Variants in CCPG1 observed in about 807,000 individuals in gnomAD.
CCPG1 encodes the protein cell cycle progression protein 1.
Under a neutral mutation model 81.3 loss-of-function variants are expected in CCPG1, and 46 were observed. The observed-to-expected ratio is 0.57, with a 90% CI of 0.45 to 0.72. The LOEUF is 0.72. CCPG1 is among the 30% of genes least tolerant of loss of function. The pLI, the probability that CCPG1 is intolerant of heterozygous loss-of-function variation, is 0.00. For missense variants in CCPG1, 902 were observed against 937.6 expected (o/e 0.96, Z 0.50); for synonymous variants, 330 against 305.2 (o/e 1.08, Z -0.85).
At chr15:55,377,187 A>AATCATTTTTTTTTTTTTTTT in intron 4 of CCPG1, 37 bp from the exon 5 acceptor site, 2 of 1,451,886 alleles carry the variant, frequency 1.4e-6, no homozygotes, top group South Asian at 2.3e-5. Context: ...TAAGTTCAAC[A>AATCATTTTTTTTTTTTTTTT]ATCATTTAAG....
At chr15:55,358,930 T>C (rs1047301866) in intron 8 of CCPG1, 2 of 964,120 alleles carry the variant, frequency 2.1e-6, no homozygotes, top group African/African-American at 3.5e-5. Flanking sequence ...GTAAGTTTCA[T>C]GTTACAGAAT....
chr15:55,400,353 G>T (rs6493782), intron 1 of CCPG1, among the ~76,000 whole-genome samples: 7 of 151,500 alleles, frequency 4.6e-5, no homozygotes, highest in Non-Finnish European at 2.9e-5. Flanking sequence ...TACTAAAATA[G>T]AAAAATTAGC....
chr15:55,357,490 T>A (rs2056105880), intron 8 of CCPG1: 1 of 949,710 alleles, frequency 1.1e-6, no homozygotes, highest in Middle Eastern at 5.5e-4. Context: ...TTTCTGTGAT[T>A]GAGGTTTCCG....
Position 55,391,891 on chromosome 15 carries a change from G to GGA in CCPG1, c.-9-2459_-9-2458insTC, listed in dbSNP as rs1555409785. Among the ~76,000 whole-genome samples, 106 of 115,322 alleles carry GGA rather than the reference G, an allele frequency of 9.2e-4. 5 individuals carry two copies. Among genetic ancestry groups the GGA allele is most frequent in the Middle Eastern group, 4.4e-3 (1 of 226 alleles). 75.7% of individuals were successfully genotyped at this position (115,322 alleles called of 152,430 possible). A position where few individuals can be genotyped will look rare whatever the true frequency, so the allele number is the denominator to read the frequency against. ...ACTCTTTAAAAAAAAAAAAAAAGGG[G>GGA]GGGGGGGGCTAGGTGTGGTAGCTCA... On this transcript the variant is annotated intron_variant, in intron 1 of 8. Transcript: ENST00000442196.
intron 8 of CCPG1, chr15:55,356,714 C>T (rs929863736): frequency 1.9e-6 from 2 of 1,070,718 alleles, no homozygotes; most frequent in Non-Finnish European, 2.3e-6. Context: ...TCCTCCTTTC[C>T]TATAAAAATC....
At position 55,360,457 on chromosome 15, in the gene CCPG1, G is replaced by A; in HGVS notation, c.1316C>T (p.Thr439Ile). 1 of 1,613,972 alleles carries A rather than the reference G, an allele frequency of 6.2e-7. No individual in the cohort carries two copies. The highest frequency in any genetic ancestry group is 1.7e-5 in the Admixed American group (1 of 60,008). The change falls in exon 8 of 9, where the codon ACC becomes ATC. Residue 439 changes from threonine to isoleucine, a missense_variant. Thr to Ile is a moderately conservative substitution (Grantham distance 89, BLOSUM62 -1). This residue lies in a region of CCPG1 where 746 missense variants were observed against 728.6 expected (regional missense o/e 1.02). Transcript: ENST00000442196. ...ERLTELERKL[T>I]FEQQRSDLWE... ...CAAATCAGAACGCTGCTGTTCGAAG[G>A]TTAGCTTCCGTTCCAGCTCAGTGAG... is the stretch of plus-strand genomic sequence containing the variant.
chr15:55,365,224 C>T lies in CCPG1; in HGVS notation c.792G>A (p.Gln264=), dbSNP rs890066867. Residue 264 remains glutamine (Q), a synonymous_variant, in exon 7 of 9, where the codon CAG becomes CAA. Coordinates refer to ENST00000442196, the MANE Select transcript of CCPG1 (RefSeq NM_001204450.2). ...TAAAAGATTCTTGTTCCTGTTGACA[C>T]TGGGAAAGATAATCCTTCATATCAT... ...ELNDMKDYLS[Q]CQQEQESFID... is the part of the protein sequence containing the mutation. 1 of 1,497,244 alleles carries T rather than the reference C, an allele frequency of 6.7e-7. No individual in the cohort carries two copies. The highest frequency in any genetic ancestry group is 1.4e-5 in the African/African-American group (1 of 72,236). 92.7% of individuals were successfully genotyped at this position (1,497,244 alleles called of 1,614,324 possible).
At chr15:55,386,005 A>C (rs1481498415) in intron 2 of CCPG1, among the ~76,000 whole-genome samples, 1 of 152,148 alleles carries the variant, frequency 6.6e-6, no homozygotes, top group Middle Eastern at 3.2e-3. Flanking sequence ...TAAGGGTCTA[A>C]ATTTGGTTAT....
chr15:55,404,386 G>A (rs1016906654), intron 1 of CCPG1, among the ~76,000 whole-genome samples: 6 of 152,116 alleles, frequency 3.9e-5, no homozygotes, highest in Non-Finnish European at 8.8e-5. Flanking sequence ...GAAGAACAAT[G>A]TAGCCCTTTA....
In CCPG1 at chr15:55,360,817, T is replaced by C. The variant is rs372894285; in HGVS notation, c.956A>G (p.Lys319Arg). 2.5e-5 allele frequency: 41 copies of C among 1,612,256 alleles called. No homozygotes were observed. The highest frequency in any genetic ancestry group is 1.5e-4 in the African/African-American group (11 of 74,764). ...YLRVSLEKEE[K>R]ALSSLQEELN... ...CTCTTCCTGTAATGAGGATAAGGCT[T>C]TTTCTTCCTTCTCCAAGGATACTCT... The change falls in exon 8 of 9, where the codon AAA (lysine) becomes AGA (arginine). Residue 319 changes from lysine to arginine, a missense_variant. Transcript: ENST00000442196.
intron 3 of CCPG1, among the ~76,000 whole-genome samples, chr15:55,380,728 G>C (rs953319906): frequency 3.3e-5 from 5 of 152,062 alleles, no homozygotes; most frequent in Admixed American, 6.5e-5. Flanking sequence ...CGGCCGGGGT[G>C]CTGGGGCCAG....
intron 5 of CCPG1, among the ~76,000 whole-genome samples, chr15:55,376,307 T>C (rs1405970612): frequency 6.6e-6 from 1 of 152,210 alleles, no homozygotes; most frequent in Non-Finnish European, 1.5e-5. Flanking sequence ...AGCTGAAGCA[T>C]AGCAGAAAGA....
rs1306899939 is a variant in CCPG1, at chr15:55,355,752, CAG to C, written c.*466_*467del. 4.3e-6 allele frequency: 1 copy of C among 232,690 alleles called. No homozygotes were observed. The highest frequency in any genetic ancestry group is 8.2e-6 in the Non-Finnish European group (1 of 122,066). The allele number at this position is 232,690 out of a possible 1,614,324, so 14.4% of individuals were successfully genotyped here. A position where few individuals can be genotyped will look rare whatever the true frequency, so the allele number is the denominator to read the frequency against. The stretch of plus-strand genomic sequence containing the variant: ...AGAGGGCAGCAAATTCTTCACAAGT[CAG>C]AGGGCTCTTGAACCCACAAAAAGAC... On this transcript the variant is annotated 3_prime_UTR_variant, in exon 9 of 9. Coordinates refer to ENST00000442196, the MANE Select transcript of CCPG1 (RefSeq NM_001204450.2).
intron 3 of CCPG1, among the ~76,000 whole-genome samples, chr15:55,383,955 T>C (rs1044292249): frequency 2.0e-5 from 3 of 152,236 alleles, no homozygotes; most frequent in African/African-American, 7.2e-5. Flanking sequence ...GGACTTTTAA[T>C]TTCCTTCAAG....
chr15:55,392,047 T>C (rs944596387), intron 1 of CCPG1, among the ~76,000 whole-genome samples: 7 of 112,158 alleles, frequency 6.2e-5, no homozygotes, highest in African/African-American at 1.4e-4. Context: ...AAAAAAAAAA[T>C]CAAAAGATCT....
At chr15:55,402,269 C>A (rs976498749) in intron 1 of CCPG1, among the ~76,000 whole-genome samples, 9 of 152,126 alleles carry the variant, frequency 5.9e-5, no homozygotes, top group Non-Finnish European at 8.8e-5. Flanking sequence ...TGTCACTCAC[C>A]CAGGCGGGAG....
At chr15:55,377,784 C>G (rs8028482) in intron 4 of CCPG1, among the ~76,000 whole-genome samples, 27,145 of 152,184 alleles carry the variant, frequency 0.18, 4,201 homozygotes, top group African/African-American at 0.42. Flanking sequence ...GGAAACAAGA[C>G]AGCATGTCAT....
At chr15:55,393,381 A>T (rs1184642427) in intron 1 of CCPG1, among the ~76,000 whole-genome samples, 3 of 151,772 alleles carry the variant, frequency 2.0e-5, no homozygotes, top group Non-Finnish European at 4.4e-5. Context: ...TCAAAGTTGC[A>T]GTGAGCTATG....
At chr15:55,387,865 C>A (rs2056833527) in intron 2 of CCPG1, among the ~76,000 whole-genome samples, 2 of 141,156 alleles carry the variant, frequency 1.4e-5, no homozygotes, top group African/African-American at 5.1e-5. Context: ...ATTAAAAAAA[C>A]AAGTGGCCGG....
Sources: allele counts gnomAD v4.1 joint callset (sites outside exome capture counted in the v4.1 genomes callset), GRCh38; gene constraint gnomAD v4.1.1; regional missense constraint gnomAD v4.1.1; transcripts MANE v1.5; gene names NCBI Gene and HGNC (gene_info 2026-07-23, HGNC 2026-07-21).